The following HECW1 variants were observed in gnomAD, a reference collection of about 807,000 sequenced individuals.
HECW1 encodes HECT, C2 and WW domain containing E3 ubiquitin protein ligase 1, also known as E3 ubiquitin-protein ligase HECW1.
In HECW1, 61 loss-of-function variants were observed where a neutral mutation model predicts 182.3. That is an observed-to-expected ratio of 0.33 (90% CI 0.27 to 0.41). The LOEUF (loss-of-function observed/expected upper bound fraction) is 0.41, where lower values mean the gene tolerates loss of function less well. Among genes scored for constraint, HECW1 ranks in the 10% least tolerant of loss-of-function variants. The pLI, the probability that HECW1 is intolerant of heterozygous loss-of-function variation, is 1.00. For missense variants in HECW1, 1,739 were observed against 2,108.9 expected (o/e 0.82, Z 3.44); for synonymous variants, 859 against 832.6 (o/e 1.03, Z -0.55).
At chr7:43,555,553 T>A (rs2081989004) in intron 29 of HECW1, among the ~76,000 whole-genome samples, 1 of 152,240 alleles carries the variant, frequency 6.6e-6, no homozygotes, top group Non-Finnish European at 1.5e-5. Flanking sequence ...TACGTTCGAA[T>A]TATAAAGAAG....
chr7:43,288,756 T>G (rs1465853215), intron 3 of HECW1, among the ~76,000 whole-genome samples: 1 of 152,222 alleles, frequency 6.6e-6, no homozygotes, highest in Non-Finnish European at 1.5e-5. Flanking sequence ...AGAGACATTT[T>G]TCTAAAAGTC....
intron 5 of HECW1, among the ~76,000 whole-genome samples, chr7:43,321,391 A>G (rs370909719): frequency 2.0e-5 from 3 of 151,940 alleles, no homozygotes; most frequent in East Asian, 3.9e-4. Context: ...GGCTTTTTTC[A>G]TGGGTCCCCA....
chr7:43,270,404 G>T (rs1281427590), intron 3 of HECW1, among the ~76,000 whole-genome samples: 1 of 152,144 alleles, frequency 6.6e-6, no homozygotes, highest in Non-Finnish European at 1.5e-5. Context: ...CTAGCAACTC[G>T]GGCTCTCCAC....
intron 11 of HECW1, among the ~76,000 whole-genome samples, chr7:43,447,881 T>C (rs2077109504): frequency 6.6e-6 from 1 of 152,132 alleles, no homozygotes; most frequent in Non-Finnish European, 1.5e-5. Context: ...ATCCCAGCAC[T>C]TTGGGAGGCC....
chr7:43,493,277 T>A, intron 19 of HECW1, 97 bp downstream of exon 19: 1 of 724,998 alleles, frequency 1.4e-6, no homozygotes, highest in Non-Finnish European at 2.3e-6. Flanking sequence ...AAGCTTATTA[T>A]ACATTGTATT....
chr7:43,447,792 C>T (rs912854374), intron 11 of HECW1, among the ~76,000 whole-genome samples: 5 of 152,144 alleles, frequency 3.3e-5, no homozygotes, highest in Non-Finnish European at 4.4e-5. Context: ...ATTGCTCCTT[C>T]GCCTTGACTT....
intron 4 of HECW1, among the ~76,000 whole-genome samples, chr7:43,312,702 T>C (rs149775043): frequency 1.4e-4 from 21 of 152,368 alleles, no homozygotes; most frequent in African/African-American, 5.0e-4. Flanking sequence ...AAACAAATTA[T>C]GCAAATAAGT....
At chr7:43,127,523 C>CAAAAAAAAA (rs71562078) in intron 2 of HECW1, among the ~76,000 whole-genome samples, 1 of 57,286 alleles carries the variant, frequency 1.7e-5, no homozygotes, top group Non-Finnish European at 3.2e-5. Flanking sequence ...AACTCCATCT[C>CAAAAAAAAA]AAAAAAAAAA....
intron 26 of HECW1, among the ~76,000 whole-genome samples, chr7:43,547,738 A>G (rs1215055877): frequency 6.6e-6 from 1 of 152,200 alleles, no homozygotes; most frequent in East Asian, 1.9e-4. Context: ...ACCTCAATCT[A>G]TGGTGCCTAT....
At position 43,407,692 on chromosome 7, in the gene HECW1, G is replaced by A. The variant is rs1308069253; in HGVS notation, c.762G>A (p.Lys254=). 1 of 1,613,940 alleles carries A rather than the reference G, an allele frequency of 6.2e-7. No individual in the cohort carries two copies. The highest frequency in any genetic ancestry group is 8.5e-7 in the Non-Finnish European group (1 of 1,179,946). Residue 254 remains lysine, a synonymous_variant, in exon 8 of 30, where the codon AAG becomes AAA. Transcript: ENST00000395891. ...ACCATGGACAGGAGAGGAGATCCAA[G>A]ATCATAGGCAACACCGTGAACCCCA... ...LPHHGQERRS[K]IIGNTVNPIW... is the part of the protein sequence containing the mutation.
intron 11 of HECW1, among the ~76,000 whole-genome samples, chr7:43,449,108 T>A (rs1177325310): frequency 6.6e-6 from 1 of 152,254 alleles, no homozygotes; most frequent in Non-Finnish European, 1.5e-5. Context: ...ATTGGTTGCA[T>A]TAATTTCAAG....
intron 5 of HECW1, among the ~76,000 whole-genome samples, chr7:43,347,397 CT>C (rs1214922123): frequency 1.3e-5 from 2 of 151,988 alleles, no homozygotes; most frequent in African/African-American, 4.8e-5. Flanking sequence ...TTGCTGAATT[CT>C]TTTATCAGTT....
chr7:43,324,196 A>G (rs553936548), intron 5 of HECW1, among the ~76,000 whole-genome samples: 9 of 152,368 alleles, frequency 5.9e-5, no homozygotes, highest in East Asian at 1.9e-4. Flanking sequence ...GGGAATATCA[A>G]TGAAAGTGCA....
At chr7:43,257,599 A>G (rs947344572) in intron 3 of HECW1, among the ~76,000 whole-genome samples, 1 of 152,172 alleles carries the variant, frequency 6.6e-6, no homozygotes, top group Non-Finnish European at 1.5e-5. Flanking sequence ...TAGACCAAGC[A>G]GACTTGATGG....
chr7:43,128,146 T>C (rs1249880729), intron 2 of HECW1, among the ~76,000 whole-genome samples: 2 of 152,136 alleles, frequency 1.3e-5, no homozygotes, highest in Admixed American at 6.5e-5. Context: ...TCCCAAATTA[T>C]TGGGATTACA....
intron 16 of HECW1, among the ~76,000 whole-genome samples, chr7:43,471,942 TA>T (rs2078039703): frequency 6.6e-6 from 1 of 152,192 alleles, no homozygotes; most frequent in Admixed American, 6.5e-5. Flanking sequence ...TAGAACTATT[TA>T]AAAGACATCT....
At chr7:43,259,336 G>C (rs1477210459) in intron 3 of HECW1, among the ~76,000 whole-genome samples, 2 of 151,448 alleles carry the variant, frequency 1.3e-5, no homozygotes, top group Non-Finnish European at 2.9e-5. Flanking sequence ...GCAGTGAGCT[G>C]AGATCGCAGT....
chr7:43,142,013 G>A (rs1420235544), intron 2 of HECW1, among the ~76,000 whole-genome samples: 4 of 152,094 alleles, frequency 2.6e-5, no homozygotes, highest in African/African-American at 7.2e-5. Flanking sequence ...ACCTGCACAC[G>A]CTGTGCTTGC....
intron 3 of HECW1, among the ~76,000 whole-genome samples, chr7:43,247,046 C>T (rs962102498): frequency 4.6e-5 from 7 of 152,184 alleles, no homozygotes. Context: ...AGCATCCTGA[C>T]AACTAGGCAA....
Sources: gnomAD v4.1 joint callset for allele counts (sites outside exome capture counted in the v4.1 genomes callset) on GRCh38, gnomAD v4.1.1 for gene constraint, MANE v1.5 for transcripts, NCBI Gene and HGNC (gene_info 2026-07-23, HGNC 2026-07-21) for gene names.